The following ARHGEF12 variants were observed in gnomAD, a reference collection of about 807,000 sequenced individuals.
ARHGEF12 encodes Rho guanine nucleotide exchange factor 12, also known as KMT2A/ARHGEF12 fusion protein.
A neutral mutation model predicts 211.2 loss-of-function variants in ARHGEF12; 66 were observed. That is an observed-to-expected ratio of 0.31 (90% CI 0.26 to 0.38). ARHGEF12 has a LOEUF of 0.38. ARHGEF12 is among the 10% of genes least tolerant of loss of function. The pLI, the probability that ARHGEF12 is intolerant of heterozygous loss-of-function variation, is 1.00. For missense variants in ARHGEF12, 1,429 were observed against 1,869.5 expected (o/e 0.76, Z 4.34); for synonymous variants, 592 against 638.4 (o/e 0.93, Z 1.09).
At chr11:120,458,359 A>C in intron 25 of ARHGEF12, 125 bp downstream of exon 25, 1 of 1,041,254 alleles carries the variant, frequency 9.6e-7, no homozygotes, top group Admixed American at 2.6e-5. Flanking sequence ...CAAAGAGGAA[A>C]TTAAACTGGA....
chr11:120,415,398 A>G (rs1945000443), intron 4 of ARHGEF12, among the ~76,000 whole-genome samples: 1 of 152,190 alleles, frequency 6.6e-6, no homozygotes, highest in South Asian at 2.1e-4. Flanking sequence ...CACAGCACCT[A>G]TGAACTGCAG....
chr11:120,448,986 C>T (rs991857788), intron 20 of ARHGEF12, 123 bp from the exon 21 acceptor site: 25 of 751,588 alleles, frequency 3.3e-5, no homozygotes, highest in East Asian at 5.4e-5. Context: ...TGCATACACA[C>T]GTGTACGGGT....
rs758524529 is a variant in ARHGEF12, at chr11:120,447,101, A to G, written c.1589+16A>G. 2.9e-4 allele frequency: 471 copies of G among 1,612,324 alleles called. 2 individuals carry two copies. Among genetic ancestry groups the G allele is most frequent in the Middle Eastern group, 8.3e-4 (5 of 6,058 alleles). ...AAGAAGTATTGTAAGTAATAGAAGT[A>G]TATGTGGAAATGCCCTCTCTGCTGA... On this transcript the variant is annotated intron_variant, in intron 18 of 40. Transcript: ENST00000397843.
At chr11:120,458,324 G>C in intron 25 of ARHGEF12, 90 bp downstream of exon 25, 1 of 1,471,022 alleles carries the variant, frequency 6.8e-7, no homozygotes, top group Non-Finnish European at 9.3e-7. Flanking sequence ...TTGCTTCAAA[G>C]TTTCTCCTAG....
chr11:120,427,571 C>T (rs1276375111), intron 7 of ARHGEF12, among the ~76,000 whole-genome samples: 4 of 150,760 alleles, frequency 2.7e-5, no homozygotes, highest in Non-Finnish European at 5.9e-5. Flanking sequence ...CTTGTGGGGG[C>T]TGAGGAGGGA....
At chr11:120,380,921 T>C (rs1321571425) in intron 1 of ARHGEF12, among the ~76,000 whole-genome samples, 2 of 152,230 alleles carry the variant, frequency 1.3e-5, no homozygotes, top group African/African-American at 2.4e-5. Context: ...ACTTTGGCTA[T>C]TGGGAAGGTT....
Position 120,488,005 on chromosome 11 carries a change from TTGGCTTTC to T in ARHGEF12, c.*2930_*2937del, listed in dbSNP as rs752786299. On this transcript the variant is annotated 3_prime_UTR_variant, in exon 41 of 41. Transcript: ENST00000397843. ...ATGGGAGGTATATTTTATGAGCTTT[TTGGCTTTC>T]TTTTTTCCCACAGCAACTGCCAATG... 4 of 222,438 alleles carry T rather than the reference TTGGCTTTC, an allele frequency of 1.8e-5. No homozygotes were observed. The highest frequency in any genetic ancestry group is 3.6e-5 in the Non-Finnish European group (4 of 111,342). 13.8% of individuals were successfully genotyped at this position (222,438 alleles called of 1,614,324 possible).
At chr11:120,444,325 CTATA>C (rs199910742) in intron 15 of ARHGEF12, among the ~76,000 whole-genome samples, 5,076 of 152,220 alleles carry the variant, frequency 0.033, 140 homozygotes, top group South Asian at 0.048. Flanking sequence ...TACACATGAT[CTATA>C]TATCAATATT....
At chr11:120,344,737 TGA>T (rs1752758539) in intron 1 of ARHGEF12, among the ~76,000 whole-genome samples, 1 of 152,242 alleles carries the variant, frequency 6.6e-6, no homozygotes, top group Non-Finnish European at 1.5e-5. Flanking sequence ...TCAGGTGATA[TGA>T]GAGTTAAATG....
At chr11:120,359,221 A>G (rs914370714) in intron 1 of ARHGEF12, among the ~76,000 whole-genome samples, 9 of 151,964 alleles carry the variant, frequency 5.9e-5, no homozygotes, top group African/African-American at 9.6e-5. Context: ...CCAAGAGTCA[A>G]TGGGGCCCAT....
At chr11:120,430,867 GT>G (rs1328445618) in intron 10 of ARHGEF12, among the ~76,000 whole-genome samples, 9 of 151,924 alleles carry the variant, frequency 5.9e-5, no homozygotes, top group African/African-American at 1.5e-4. Context: ...TCATTCCATT[GT>G]TTTTTTCATT....
At chr11:120,399,789 A>G (rs1436218204) in intron 1 of ARHGEF12, among the ~76,000 whole-genome samples, 1 of 152,200 alleles carries the variant, frequency 6.6e-6, no homozygotes, top group Non-Finnish European at 1.5e-5. Flanking sequence ...GGTTTTTTCA[A>G]TAAAAAATGC....
chr11:120,433,811 A>T (rs965195273), intron 11 of ARHGEF12, among the ~76,000 whole-genome samples: 4 of 152,098 alleles, frequency 2.6e-5, no homozygotes, highest in Non-Finnish European at 5.9e-5. Flanking sequence ...AAAAAAAATT[A>T]ACTGGGTGTG....
At chr11:120,477,150 T>C (rs1591641551) in intron 34 of ARHGEF12, 69 bp from the exon 35 acceptor site, 1 of 1,285,030 alleles carries the variant, frequency 7.8e-7, no homozygotes, top group African/African-American at 1.5e-5. Flanking sequence ...AGTTTTGCTT[T>C]CTGAGTATAT....
rs1483596579 is a variant in ARHGEF12, at chr11:120,485,104, G to C, written c.*27G>C. On this transcript the variant is annotated 3_prime_UTR_variant, in exon 41 of 41. Coordinates refer to ENST00000397843, the MANE Select transcript of ARHGEF12 (RefSeq NM_015313.3). ...GCCGCATGTCCTGGAGGTGACTGCA[G>C]GTTGTTGGATTTGGAGTATCGGCCG... 1.2e-6 allele frequency: 2 copies of C among 1,613,250 alleles called. No individual in the cohort carries two copies. Among genetic ancestry groups the C allele is most frequent in the Non-Finnish European group, 1.7e-6 (2 of 1,179,666 alleles).
rs1188291844 is a variant in ARHGEF12, at chr11:120,451,662, C to T, written c.1994C>T (p.Ser665Phe). 6.2e-7 allele frequency: 1 copy of T among 1,614,058 alleles called. No individual in the cohort carries two copies. The change falls in exon 22 of 41, where the codon TCC becomes TTC. Residue 665 changes from serine to phenylalanine, a missense_variant. Ser to Phe is a radical substitution (Grantham distance 155, BLOSUM62 -2). This residue lies in a region of ARHGEF12 where 373 missense variants were observed against 467.5 expected (regional missense o/e 0.80). Transcript: ENST00000397843. ...GTDAGYLPANSMSSVASGASF... is the reference protein window; with the variant it reads ...GTDAGYLPANFMSSVASGASF... ...GACGCTGGATACCTGCCTGCCAATT[C>T]CATGTCTTCTGTAGCTTCAGGGGCC...
At chr11:120,345,736 T>C (rs1415967269) in intron 1 of ARHGEF12, among the ~76,000 whole-genome samples, 1 of 149,674 alleles carries the variant, frequency 6.7e-6, no homozygotes, top group Non-Finnish European at 1.5e-5. Context: ...ATGGCGTATG[T>C]CATACTCCTA....
Position 120,487,616 on chromosome 11 carries a change from T to C in ARHGEF12, c.*2539T>C, listed in dbSNP as rs1398222427. On this transcript the variant is annotated 3_prime_UTR_variant, in exon 41 of 41. Coordinates refer to ENST00000397843, the MANE Select transcript of ARHGEF12 (RefSeq NM_015313.3). ...TCAGAGGAGTTTTTTCTAAGTGACG[T>C]GACTAGAAGTTGAAATCTACTTCCC... is the stretch of plus-strand genomic sequence containing the variant. 8 of 213,408 alleles carry C rather than the reference T, an allele frequency of 3.7e-5. No individual in the cohort carries two copies. Among genetic ancestry groups the C allele is most frequent in the Non-Finnish European group, 6.6e-5 (7 of 105,646 alleles). 13.2% of individuals were successfully genotyped at this position (213,408 alleles called of 1,614,324 possible).
At position 120,488,402 on chromosome 11, in the gene ARHGEF12, C is replaced by T. The variant is rs1037563304; in HGVS notation, c.*3325C>T. The T allele has an allele frequency of 4.6e-6, 1 of 216,500 alleles. No individual in the cohort carries two copies. Among genetic ancestry groups the T allele is most frequent in the Admixed American group, 5.8e-5 (1 of 17,236 alleles). The allele number at this position is 216,500 out of a possible 1,614,324, so 13.4% of individuals were successfully genotyped here. A position where few individuals can be genotyped will look rare whatever the true frequency, so the allele number is the denominator to read the frequency against. On this transcript the variant is annotated 3_prime_UTR_variant, in exon 41 of 41. Transcript: ENST00000397843. ...TTAGCAGGGCCTCACAGTCAGCTTC[C>T]TCATGGCTAGTTTTTCCCCCTTATA...
Sources: allele counts gnomAD v4.1 joint callset (sites outside exome capture counted in the v4.1 genomes callset), GRCh38; gene constraint gnomAD v4.1.1; regional missense constraint gnomAD v4.1.1; transcripts MANE v1.5; gene names NCBI Gene and HGNC (gene_info 2026-07-23, HGNC 2026-07-21).